Variants in PTBP3 observed in about 807,000 individuals in gnomAD.
The protein encoded by PTBP3 is polypyrimidine tract binding protein 3, also known as polypyrimidine tract-binding protein 3.
Under a neutral mutation model 58.7 loss-of-function variants are expected in PTBP3, and 20 were observed. The observed-to-expected ratio is 0.34, with a 90% CI of 0.24 to 0.50. The LOEUF (loss-of-function observed/expected upper bound fraction) is 0.50. Among genes scored for constraint, PTBP3 ranks in the 20% least tolerant of loss-of-function variants. The pLI is 0.98. For missense variants in PTBP3, 509 were observed against 637.2 expected (o/e 0.80, Z 2.17); for synonymous variants, 185 against 219.8 (o/e 0.84, Z 1.40).
intron 3 of PTBP3, among the ~76,000 whole-genome samples, chr9:112,268,490 T>G (rs960980073): frequency 1.3e-5 from 2 of 151,382 alleles, no homozygotes; most frequent in African/African-American, 4.9e-5. Flanking sequence ...AGCCCAGGAG[T>G]TCAACAGCAG....
chr9:112,306,756 C>G (rs1829237967), intron 1 of PTBP3, among the ~76,000 whole-genome samples: 1 of 152,018 alleles, frequency 6.6e-6, no homozygotes, highest in South Asian at 2.1e-4. Flanking sequence ...GCTGGGATTA[C>G]AGGCACACAC....
chr9:112,319,003 T>C (rs930041373), intron 1 of PTBP3, among the ~76,000 whole-genome samples: 3 of 151,648 alleles, frequency 2.0e-5, no homozygotes, highest in Non-Finnish European at 2.9e-5. Context: ...GACACATGCC[T>C]GTAATCCCAT....
intron 2 of PTBP3, among the ~76,000 whole-genome samples, chr9:112,286,339 T>G (rs962529959): frequency 6.6e-6 from 1 of 152,032 alleles, no homozygotes; most frequent in African/African-American, 2.4e-5. Context: ...CATCTTGTCA[T>G]TTTTTTTCTA....
At chr9:112,261,925 T>C (rs1489028930) in intron 5 of PTBP3, among the ~76,000 whole-genome samples, 1 of 152,238 alleles carries the variant, frequency 6.6e-6, no homozygotes, top group Non-Finnish European at 1.5e-5. Context: ...ACATATTACT[T>C]GCCATGATTT....
chr9:112,292,953 A>G (rs1380440777), intron 2 of PTBP3, among the ~76,000 whole-genome samples: 1 of 152,216 alleles, frequency 6.6e-6, no homozygotes, highest in Non-Finnish European at 1.5e-5. Flanking sequence ...AAACACGGTG[A>G]AACACACAAA....
chr9:112,226,617 G>A (rs1453212137), intron 12 of PTBP3, among the ~76,000 whole-genome samples: 1 of 152,006 alleles, frequency 6.6e-6, no homozygotes, highest in African/African-American at 2.4e-5. Flanking sequence ...TTCTTTAAAG[G>A]GCCAGACAGT....
chr9:112,374,239 A>G, the PTBP3 span, among the ~76,000 whole-genome samples: 1 of 152,144 alleles, frequency 6.6e-6, no homozygotes, highest in Non-Finnish European at 1.5e-5. Context: ...GGAGCACAAA[A>G]TGTCCAGGTG....
intron 5 of PTBP3, among the ~76,000 whole-genome samples, chr9:112,255,992 G>A (rs1589829351): frequency 6.6e-6 from 1 of 151,878 alleles, no homozygotes; most frequent in Non-Finnish European, 1.5e-5. Context: ...AGTGGCTCAC[G>A]CCTGTAATCC....
chr9:112,223,786 C>T lies in PTBP3; in HGVS notation c.*65G>A, dbSNP rs561976833. The T allele has an allele frequency of 2.5e-6, 4 of 1,604,790 alleles. No homozygotes were observed. Among genetic ancestry groups the T allele is most frequent in the Non-Finnish European group, 3.4e-6 (4 of 1,175,790 alleles). ...AGGCAAAATTGGTCTTGAGCTGCTT[C>T]AGTCTATGTCTGAAGGTTTTACTGA... On this transcript the variant is annotated 3_prime_UTR_variant, in exon 14 of 14. Coordinates refer to ENST00000374257, the MANE Select transcript of PTBP3 (RefSeq NM_001163788.4).
chr9:112,279,304 C>T (rs913104204), intron 2 of PTBP3, among the ~76,000 whole-genome samples: 1 of 152,090 alleles, frequency 6.6e-6, no homozygotes, highest in Non-Finnish European at 1.5e-5. Flanking sequence ...TTGTATAAAT[C>T]GTGTTGTATT....
rs73537718 is a variant in PTBP3, at chr9:112,248,399, G to A, written c.802+2530C>T. On this transcript the variant is annotated intron_variant, in intron 7 of 13. Transcript: ENST00000374257. ...AAAAGAATTGCACAGGGATGGGGGC[G>A]AGAGGTAAAAGACTACACACTGGGT... Among the ~76,000 whole-genome samples the A allele has an allele frequency of 7.5e-3, 1,142 of 152,250 alleles. 20 individuals carry two copies. The highest frequency in any genetic ancestry group is 0.026 in the African/African-American group (1,071 of 41,556).
At chr9:112,330,426 G>T (rs778593614) in intron 1 of PTBP3, 4 of 1,489,554 alleles carry the variant, frequency 2.7e-6, no homozygotes, top group African/African-American at 2.8e-5. Flanking sequence ...TGAAAGGATA[G>T]TAAAAGATTC....
At chr9:112,234,787 A>C in intron 8 of PTBP3, 33 bp downstream of exon 8, 1 of 1,561,776 alleles carries the variant, frequency 6.4e-7, no homozygotes, top group Non-Finnish European at 8.8e-7. Flanking sequence ...AACTTCATTA[A>C]AAGTCATTTC....
intron 10 of PTBP3, among the ~76,000 whole-genome samples, chr9:112,230,527 T>A (rs1329256653): frequency 6.6e-6 from 1 of 152,046 alleles, no homozygotes; most frequent in East Asian, 1.9e-4. Flanking sequence ...ATGAAAAAAA[T>A]AATGAAATAA....
At chr9:112,232,355 T>A in intron 8 of PTBP3, 117 bp from the exon 9 acceptor site, 1 of 1,108,872 alleles carries the variant, frequency 9.0e-7, no homozygotes, top group Non-Finnish European at 1.3e-6. Context: ...GTGTCAAGGC[T>A]ACCATAAAGA....
chr9:112,227,707 T>C (rs1835045924), intron 11 of PTBP3, 80 bp from the exon 12 acceptor site: 4 of 1,065,990 alleles, frequency 3.8e-6, no homozygotes, highest in Non-Finnish European at 5.7e-6. Flanking sequence ...TACCATAAAT[T>C]ATTTTTATGT....
chr9:112,298,685 C>A, intron 1 of PTBP3: 2 of 341,026 alleles, frequency 5.9e-6, no homozygotes, highest in East Asian at 7.9e-5. Context: ...AAAATTAATC[C>A]CCAAACAATC....
the PTBP3 span, among the ~76,000 whole-genome samples, chr9:112,356,576 CA>C: frequency 0.015 from 501 of 32,610 alleles, 4 homozygotes; most frequent in African/African-American, 0.067. Flanking sequence ...CATAAAGCAA[CA>C]GAGCAAAAAA....
chr9:112,219,731 C>A lies in PTBP3; in HGVS notation c.*4120G>T, dbSNP rs907793465. 1.3e-5 allele frequency: 2 copies of A among 152,766 alleles called. No individual in the cohort carries two copies. The highest frequency in any genetic ancestry group is 4.8e-5 in the African/African-American group (2 of 41,434). The allele number at this position is 152,766 out of a possible 1,614,324, so 9.5% of individuals were successfully genotyped here. ...TTTCCTGAAAACCAGAATACTGATA[C>A]TACTTTAGTCTCAAATAGGAAGAAA... is the stretch of plus-strand genomic sequence containing the variant. On this transcript the variant is annotated 3_prime_UTR_variant, in exon 14 of 14. Transcript: ENST00000374257.
Sources: allele counts gnomAD v4.1 joint callset (sites outside exome capture counted in the v4.1 genomes callset), GRCh38; gene constraint gnomAD v4.1.1; transcripts MANE v1.5; gene names NCBI Gene and HGNC (gene_info 2026-07-23, HGNC 2026-07-21).